The following CERS5 variants were observed in gnomAD, a reference collection of about 807,000 sequenced individuals.
CERS5 encodes LAG1 homolog, ceramide synthase 5.
A neutral mutation model predicts 58.9 loss-of-function variants in CERS5; 37 were observed. The ratio of observed to expected loss-of-function variants is 0.63; its 90% confidence interval spans 0.48 to 0.83. The LOEUF is 0.83. Among genes scored for constraint, CERS5 ranks in the 40% least tolerant of loss-of-function variants. CERS5 has a pLI of 0.00. For synonymous variants in CERS5, 147 were observed against 177.8 expected (o/e 0.83, Z 1.38); for missense variants, 398 against 489.3 (o/e 0.81, Z 1.76).
At chr12:50,160,410 C>T (rs768895558) in intron 1 of CERS5, among the ~76,000 whole-genome samples, 18 of 151,848 alleles carry the variant, frequency 1.2e-4, no homozygotes, top group African/African-American at 2.4e-4. Flanking sequence ...GACAGGCCAG[C>T]GAATGAGTCT....
chr12:50,130,820 A>T (rs1951277651), intron 9 of CERS5, 126 bp from the exon 10 acceptor site: 4 of 773,266 alleles, frequency 5.2e-6, no homozygotes, highest in Admixed American at 2.8e-5. Context: ...TAACTCAAAG[A>T]AGTATTGTCT....
At chr12:50,156,596 A>C (rs1438330391) in intron 1 of CERS5, among the ~76,000 whole-genome samples, 1 of 151,436 alleles carries the variant, frequency 6.6e-6, no homozygotes, top group African/African-American at 2.4e-5. Flanking sequence ...CTTAATACAT[A>C]CTTAAAAAAT....
intron 1 of CERS5, among the ~76,000 whole-genome samples, chr12:50,158,153 T>C (rs1306818946): frequency 6.6e-6 from 1 of 151,826 alleles, no homozygotes; most frequent in African/African-American, 2.4e-5. Flanking sequence ...ATCATTCTAA[T>C]GTACTAGAAG....
intron 1 of CERS5, among the ~76,000 whole-genome samples, chr12:50,161,784 G>GAAAACAAAAAAAAA (rs1939295196): frequency 1.1e-5 from 1 of 90,862 alleles, no homozygotes; most frequent in Non-Finnish European, 1.9e-5. Flanking sequence ...CTCAAAAAAA[G>GAAAACAAAAAAAAA]AAAAAAAAAA....
rs370602576 is a variant in CERS5 at position 50,167,258 on chromosome 12, C to A, written c.40G>T (p.Gly14Cys). 1.8e-5 allele frequency: 28 copies of A among 1,589,950 alleles called. No individual in the cohort carries two copies. The African/African-American group carries it at 3.8e-4, about 21-fold the overall frequency. The part of the protein sequence containing the change: ...AAQGPLSLLW[G>C]WLWSERFWLP... ...CAGAAGCGCTCGCTCCACAGCCAGC[C>A]CCACAGCAAGCTTAGGGGTCCCTGC... The change falls in exon 1 of 10, where the codon GGC (glycine) becomes TGC (cysteine). Residue 14 changes from glycine to cysteine, a missense_variant. Around this residue, in one of 3 missense-constraint regions of CERS5, gnomAD observed 328 missense variants for 384.5 expected, o/e 0.85. Transcript: ENST00000317551.
intron 1 of CERS5, among the ~76,000 whole-genome samples, chr12:50,147,927 G>C (rs967866792): frequency 3.3e-5 from 5 of 152,028 alleles, no homozygotes; most frequent in African/African-American, 1.2e-4. Flanking sequence ...ACAGGTGTTG[G>C]CCATGCCCAG....
intron 4 of CERS5, among the ~76,000 whole-genome samples, chr12:50,140,393 C>T (rs548444265): frequency 4.8e-5 from 7 of 145,264 alleles, no homozygotes; most frequent in Non-Finnish European, 1.0e-4. Context: ...AAGCGATTCT[C>T]GTGCCTCAGC....
At chr12:50,144,921 G>A (rs1269611407) in intron 1 of CERS5, 5 of 512,354 alleles carry the variant, frequency 9.8e-6, no homozygotes, top group African/African-American at 2.0e-5. Context: ...GGATCACAAG[G>A]TCAGGAGTTG....
At chr12:50,132,812 T>C (rs1197465283) in intron 9 of CERS5, 3 of 1,026,466 alleles carry the variant, frequency 2.9e-6, no homozygotes, top group Non-Finnish European at 3.7e-6. Flanking sequence ...ATCTGGCAAC[T>C]GCAGCTCTAG....
chr12:50,159,792 T>C (rs1222968065), intron 1 of CERS5, among the ~76,000 whole-genome samples: 1 of 151,958 alleles, frequency 6.6e-6, no homozygotes, highest in Non-Finnish European at 1.5e-5. Flanking sequence ...GGTTTCACCA[T>C]GTTGGTCAGG....
Position 50,130,327 on chromosome 12 carries a change from A to G in CERS5, c.*218T>C. The G allele has an allele frequency of 2.4e-6, 1 of 418,290 alleles. No homozygotes were observed. The highest frequency in any genetic ancestry group is 4.2e-6 in the Non-Finnish European group (1 of 236,550). 25.9% of individuals were successfully genotyped at this position (418,290 alleles called of 1,614,324 possible). A position where few individuals can be genotyped will look rare whatever the true frequency, so the allele number is the denominator to read the frequency against. On this transcript the variant is annotated 3_prime_UTR_variant, in exon 10 of 10. Coordinates refer to ENST00000317551, the MANE Select transcript of CERS5 (RefSeq NM_147190.5). ...CACAAACGCACATCAACAAACACAC[A>G]AAAACACACAGAGCAAATAACATTA...
rs1344529583 is a variant in CERS5 at position 50,134,668 on chromosome 12, T to C, written c.907A>G (p.Ile303Val). 1.5e-5 allele frequency: 25 copies of C among 1,613,976 alleles called. No individual in the cohort carries two copies. The highest frequency in any genetic ancestry group is 2.1e-5 in the Non-Finnish European group (25 of 1,179,968). Residue 303 changes from isoleucine to valine, a missense_variant, in exon 9 of 10, where the codon ATA becomes GTA. By Grantham distance (29) the Ile-to-Val change is conservative (BLOSUM62 3). This residue lies in a region of CERS5 where 328 missense variants were observed against 384.5 expected (regional missense o/e 0.85). Transcript: ENST00000317551. ...LNTTLFESWE[I>V]IGPYASWWLL... ...CACCATGAAGCATAAGGCCCGATTA[T>C]CTCCCAACTCTCAAAGAGGGTCGTG...
chr12:50,130,824 A>G (rs1951278051), intron 9 of CERS5, 130 bp from the exon 10 acceptor site: 1 of 736,902 alleles, frequency 1.4e-6, no homozygotes, highest in East Asian at 2.8e-5. Flanking sequence ...TCAAAGAAGT[A>G]TTGTCTGGAC....
chr12:50,164,800 C>G (rs1412262534), intron 1 of CERS5, among the ~76,000 whole-genome samples: 1 of 152,132 alleles, frequency 6.6e-6, no homozygotes, highest in Non-Finnish European at 1.5e-5. Context: ...TTTGGAATCT[C>G]AAGAGATACG....
intron 1 of CERS5, among the ~76,000 whole-genome samples, chr12:50,157,068 C>T (rs1415876490): frequency 6.6e-6 from 1 of 152,186 alleles, no homozygotes; most frequent in Admixed American, 6.5e-5. Flanking sequence ...CAGCTGCCAG[C>T]ATGGCAAGAG....
chr12:50,165,843 T>C, intron 1 of CERS5: 2 of 401,874 alleles, frequency 5.0e-6, no homozygotes, highest in South Asian at 1.8e-5. Context: ...GGCAGAAACA[T>C]GTCTCCTTTC....
At position 50,147,606 on chromosome 12, in the gene CERS5, TGA is replaced by T. The variant is rs1418711656; in HGVS notation, c.198-3551_198-3550del. On this transcript the variant is annotated intron_variant, in intron 1 of 9. Transcript: ENST00000317551. ...TTTCATAAAAATCTATTCTCTCTCATGAGAGTACAGTGGAACTTTCCATAAGT... is the reference window on the plus strand; with the variant it reads ...TTTCATAAAAATCTATTCTCTCTCATGAGTACAGTGGAACTTTCCATAAGT... 3.9e-5 allele frequency among the ~76,000 whole-genome samples: 6 copies of T among 152,270 alleles called. No individual in the cohort carries two copies. In the South Asian group the frequency reaches 6.2e-4, roughly 16 times the overall value.
intron 3 of CERS5, among the ~76,000 whole-genome samples, chr12:50,142,758 G>A (rs1952042494): frequency 6.6e-6 from 1 of 152,138 alleles, no homozygotes; most frequent in Non-Finnish European, 1.5e-5. Context: ...TAGCAAGCAA[G>A]CTAGTACTCC....
chr12:50,167,353 ACGGAACC>A lies in CERS5; in HGVS notation c.-63_-57del. 1 of 1,450,076 alleles carries A rather than the reference ACGGAACC, an allele frequency of 6.9e-7. No homozygotes were observed. Among genetic ancestry groups the A allele is most frequent in the South Asian group, 1.4e-5 (1 of 69,368 alleles). 89.8% of individuals were successfully genotyped at this position (1,450,076 alleles called of 1,614,324 possible). ...CAAGCGTCAGCTGCCGCCACAGCCA[ACGGAACC>A]CGCGGGGAGGCGGCCCCAGGGCGGG... On this transcript the variant is annotated 5_prime_UTR_variant, in exon 1 of 10. Transcript: ENST00000317551.
Sources: allele counts gnomAD v4.1 joint callset (sites outside exome capture counted in the v4.1 genomes callset), GRCh38; gene constraint gnomAD v4.1.1; regional missense constraint gnomAD v4.1.1; transcripts MANE v1.5; gene names NCBI Gene and HGNC (gene_info 2026-07-23, HGNC 2026-07-21).